DIAPH2: variants seen among roughly 807,000 people sequenced by gnomAD.
The protein encoded by DIAPH2 is diaphanous related formin 2.
A neutral mutation model predicts 92.7 loss-of-function variants in DIAPH2; 35 were observed. The observed-to-expected ratio is 0.38, with a 90% CI of 0.29 to 0.50. The LOEUF (loss-of-function observed/expected upper bound fraction) is 0.50. Ranked by LOEUF, DIAPH2 falls within the 20% of genes least tolerant of loss-of-function variation. The pLI is 0.94. For missense variants in DIAPH2, 701 were observed against 819.5 expected (o/e 0.86, Z 1.77); for synonymous variants, 301 against 280.4 (o/e 1.07, Z -0.73).
chrX:96,919,510 T>C (rs1480921043), intron 9 of DIAPH2, among the ~76,000 whole-genome samples: 1 of 111,881 alleles, frequency 8.9e-6, no homozygotes, highest in East Asian at 2.8e-4. Flanking sequence ...CTCATATTGT[T>C]GTTCAACAAA....
At chrX:97,382,281 C>T (rs948467392) in intron 24 of DIAPH2, among the ~76,000 whole-genome samples, 2 of 111,607 alleles carry the variant, frequency 1.8e-5, no homozygotes, top group Non-Finnish European at 3.8e-5. Context: ...TAAAATTTAC[C>T]ATTGTAGTTT....
rs769614615 is a variant in DIAPH2 at position 97,550,295 on chromosome X, G to T, written c.3242-48958G>T. ...AATCACTTGAACCCAGGAGGCGGAG[G>T]TTACAGTGGGCCGGGATCCTGCCAC... On this transcript the variant is annotated intron_variant, in intron 26 of 26. Coordinates refer to ENST00000324765, the MANE Select transcript of DIAPH2 (RefSeq NM_006729.5). Among the ~76,000 whole-genome samples the T allele has an allele frequency of 3.6e-5, 4 of 112,160 alleles. No homozygotes were observed. The South Asian group carries it at 1.5e-3, about 42-fold the overall frequency.
intron 22 of DIAPH2, among the ~76,000 whole-genome samples, chrX:97,206,880 T>G (rs1005273777): frequency 9.0e-6 from 1 of 111,601 alleles, no homozygotes; most frequent in African/African-American, 3.3e-5. Flanking sequence ...TTTCCAGTAA[T>G]AATATCGTTT....
At chrX:97,050,087 CTT>C (rs1399789861) in intron 17 of DIAPH2, among the ~76,000 whole-genome samples, 1 of 111,114 alleles carries the variant, frequency 9.0e-6, no homozygotes, top group Non-Finnish European at 1.9e-5. Flanking sequence ...TGATGTTTTT[CTT>C]TTGTTTATTA....
intron 22 of DIAPH2, among the ~76,000 whole-genome samples, chrX:97,238,944 A>G (rs1033238240): frequency 3.6e-5 from 4 of 111,898 alleles, no homozygotes; most frequent in Admixed American, 9.6e-5. Flanking sequence ...GGGTACTTAT[A>G]TAATCATGTT....
rs146137554 is a variant in DIAPH2, at chrX:97,264,256, A to C, written c.2844+16417A>C. On this transcript the variant is annotated intron_variant, in intron 23 of 26. Transcript: ENST00000324765. ...TATGCCTAGAAGGCTTTTTTTCTCTATCCTTCTGAAACTTTATTTCATTTT... is the reference window on the plus strand; with the variant it reads ...TATGCCTAGAAGGCTTTTTTTCTCTCTCCTTCTGAAACTTTATTTCATTTT... Among the ~76,000 whole-genome samples the C allele has an allele frequency of 7.0e-3, 775 of 111,130 alleles. 8 individuals are homozygous for C. Among genetic ancestry groups the C allele is most frequent in the African/African-American group, 0.024 (744 of 30,605 alleles).
intron 1 of DIAPH2, among the ~76,000 whole-genome samples, chrX:96,725,655 C>G (rs184956068): frequency 1.1e-3 from 123 of 111,822 alleles, no homozygotes; most frequent in African/African-American, 3.8e-3. Flanking sequence ...AACTGCTATA[C>G]AAGTGAATTT....
At chrX:97,267,098 AAAG>A (rs1191364537) in intron 23 of DIAPH2, among the ~76,000 whole-genome samples, 1 of 112,022 alleles carries the variant, frequency 8.9e-6, no homozygotes, top group Middle Eastern at 4.2e-3. Flanking sequence ...TGCACATAGA[AAAG>A]AATTGATTTT....
intron 22 of DIAPH2, among the ~76,000 whole-genome samples, chrX:97,234,453 G>A (rs944685766): frequency 3.6e-5 from 4 of 110,512 alleles, no homozygotes; most frequent in Non-Finnish European, 1.9e-5. Flanking sequence ...GGAAATTGCT[G>A]ATATCCCTCC....
intron 4 of DIAPH2, among the ~76,000 whole-genome samples, chrX:96,837,064 C>T (rs2064900083): frequency 9.1e-6 from 1 of 110,220 alleles, no homozygotes; most frequent in Non-Finnish European, 1.9e-5. Context: ...ACATTCTAGC[C>T]AAAATAGTGG....
Position 97,502,367 on chromosome X carries a change from C to A in DIAPH2, c.3241+72622C>A, listed in dbSNP as rs2070804840. 2.7e-5 allele frequency among the ~76,000 whole-genome samples: 3 copies of A among 111,944 alleles called. No individual in the cohort carries two copies. In the South Asian group the frequency reaches 1.1e-3, roughly 41 times the overall value. On this transcript the variant is annotated intron_variant, in intron 26 of 26. Coordinates refer to ENST00000324765, the MANE Select transcript of DIAPH2 (RefSeq NM_006729.5). ...TTTAGTAGAATAATATATTGATGAA[C>A]CCTTGGAGAACCAATTATGTTGTTT... is the stretch of plus-strand genomic sequence containing the variant.
At chrX:96,798,793 T>C (rs1183995937) in intron 4 of DIAPH2, among the ~76,000 whole-genome samples, 1 of 111,909 alleles carries the variant, frequency 8.9e-6, no homozygotes, top group Non-Finnish European at 1.9e-5. Context: ...GAATCTAAAG[T>C]AGCATTTACT....
intron 26 of DIAPH2, among the ~76,000 whole-genome samples, chrX:97,478,112 G>A (rs1465186440): frequency 1.8e-5 from 2 of 111,788 alleles, no homozygotes; most frequent in African/African-American, 6.5e-5. Context: ...TGCATTGTAA[G>A]TTTCTTATAA....
chrX:97,256,861 C>A (rs79179736), intron 23 of DIAPH2, among the ~76,000 whole-genome samples: 28 of 110,890 alleles, frequency 2.5e-4, no homozygotes, highest in African/African-American at 9.2e-4. Context: ...GACGGAGTTT[C>A]ACCATATTAG....
At chrX:96,917,640 G>GT (rs1308009655) in intron 8 of DIAPH2, among the ~76,000 whole-genome samples, 2 of 111,263 alleles carry the variant, frequency 1.8e-5, no homozygotes, top group African/African-American at 3.2e-5. Flanking sequence ...TTTGATAAGA[G>GT]TAGTATACTA....
intron 4 of DIAPH2, among the ~76,000 whole-genome samples, chrX:96,769,232 A>G (rs764892085): frequency 8.9e-6 from 1 of 112,116 alleles, no homozygotes; most frequent in Non-Finnish European, 1.9e-5. Context: ...GGTGACCAAA[A>G]TGACTTGAGC....
At chrX:96,804,935 TAAATGTGGAAGCCCTTAATCTCATAAGG>T in intron 4 of DIAPH2, among the ~76,000 whole-genome samples, 1 of 111,241 alleles carries the variant, frequency 9.0e-6, no homozygotes, top group Middle Eastern at 4.6e-3. Flanking sequence ...GTGTCATTTT[TAAATGTGGAAGCCCTTAATCTCATAAGG>T]AATGAGGAGA....
At chrX:97,234,450 G>A (rs1389097863) in intron 22 of DIAPH2, among the ~76,000 whole-genome samples, 1 of 110,383 alleles carries the variant, frequency 9.1e-6, no homozygotes, top group African/African-American at 3.3e-5. Context: ...CTAGGAAATT[G>A]CTGATATCCC....
intron 26 of DIAPH2, among the ~76,000 whole-genome samples, chrX:97,564,086 G>A (rs946739985): frequency 4.5e-5 from 5 of 111,965 alleles, no homozygotes; most frequent in African/African-American, 9.7e-5. Flanking sequence ...TGTTATGAAA[G>A]ACCAAAACAA....
Sources: allele counts gnomAD v4.1 joint callset (sites outside exome capture counted in the v4.1 genomes callset), GRCh38; gene constraint gnomAD v4.1.1; transcripts MANE v1.5; gene names NCBI Gene and HGNC (gene_info 2026-07-23, HGNC 2026-07-21).